The following DMD variants were observed in gnomAD, a reference collection of about 807,000 sequenced individuals.
DMD encodes mutant dystrophin.
DMD carries 63 observed loss-of-function variants against 330.1 expected under a neutral mutation model. That is an observed-to-expected ratio of 0.19 (90% CI 0.16 to 0.24). The LOEUF (loss-of-function observed/expected upper bound fraction) is 0.24, where lower values mean the gene tolerates loss of function less well. Among genes scored for constraint, DMD ranks in the 10% least tolerant of loss-of-function variants. DMD has a pLI of 1.00. For synonymous variants in DMD, 1,223 were observed against 959.8 expected (o/e 1.27, Z -5.07); for missense variants, 3,344 against 2,684.1 (o/e 1.25, Z -5.43).
intron 44 of DMD, among the ~76,000 whole-genome samples, chrX:31,973,050 C>A (rs1381974031): frequency 9.0e-6 from 1 of 111,471 alleles, no homozygotes; most frequent in Non-Finnish European, 1.9e-5. Flanking sequence ...AAGTTTCTTT[C>A]AACTTCTATC....
intron 44 of DMD, among the ~76,000 whole-genome samples, chrX:32,137,360 G>A (rs2096731713): frequency 9.0e-6 from 1 of 111,628 alleles, no homozygotes; most frequent in Admixed American, 9.5e-5. Flanking sequence ...GAAACCTAGG[G>A]ATGGAAAAAA....
At chrX:33,064,013 G>A (rs1169097027) in intron 1 of DMD, among the ~76,000 whole-genome samples, 1 of 111,276 alleles carries the variant, frequency 9.0e-6, no homozygotes, top group African/African-American at 3.3e-5. Context: ...TGTGACAGTA[G>A]GCAACCAATT....
At chrX:31,743,645 T>C (rs750099037) in intron 51 of DMD, among the ~76,000 whole-genome samples, 89 of 111,476 alleles carry the variant, frequency 8.0e-4, no homozygotes, top group African/African-American at 2.8e-3. Context: ...CAGTGCGTTG[T>C]CATGGACATA....
At chrX:33,016,008 T>A (rs894299872) in intron 2 of DMD, among the ~76,000 whole-genome samples, 11 of 110,838 alleles carry the variant, frequency 9.9e-5, no homozygotes, top group Non-Finnish European at 2.1e-4. Context: ...GGCTGGACGG[T>A]AACAAAAGCC....
At chrX:32,596,026 G>T in intron 12 of DMD, 150 bp from the exon 13 acceptor site, 1 of 504,510 alleles carries the variant, frequency 2.0e-6, no homozygotes, top group Admixed American at 3.1e-5. Context: ...CCAATTTTCT[G>T]CTATGACGCT....
chrX:31,599,476 A>G (rs975732711), intron 55 of DMD, among the ~76,000 whole-genome samples: 5 of 112,346 alleles, frequency 4.5e-5, no homozygotes, highest in African/African-American at 1.3e-4. Flanking sequence ...CTTAAGAGGG[A>G]AATAAGAGGA....
chrX:33,160,440 G>C (rs2048715985), intron 1 of DMD, among the ~76,000 whole-genome samples: 1 of 111,666 alleles, frequency 9.0e-6, no homozygotes, highest in South Asian at 3.7e-4. Flanking sequence ...AGTGTGTCTT[G>C]GATGCCTTTA....
chrX:31,335,428 T>C (rs1242608071), intron 61 of DMD, among the ~76,000 whole-genome samples: 1 of 112,355 alleles, frequency 8.9e-6, no homozygotes, highest in Admixed American at 9.4e-5. Context: ...TTATTTTTAA[T>C]AAAAAAGTAA....
intron 47 of DMD, among the ~76,000 whole-genome samples, chrX:31,890,730 T>C (rs1417820956): frequency 4.5e-5 from 5 of 111,653 alleles, no homozygotes; most frequent in Non-Finnish European, 7.5e-5. Context: ...TTGCTGGTTT[T>C]AATTTCAATA....
intron 7 of DMD, among the ~76,000 whole-genome samples, chrX:32,731,609 C>A (rs939455986): frequency 8.9e-6 from 1 of 112,227 alleles, no homozygotes; most frequent in Admixed American, 9.4e-5. Context: ...TGACCCCTGA[C>A]CCCCGAGCAC....
intron 11 of DMD, among the ~76,000 whole-genome samples, chrX:32,630,621 G>T (rs925680630): frequency 1.8e-5 from 2 of 110,896 alleles, no homozygotes. Context: ...CGTCTCTGAC[G>T]CATTCTTCAG....
intron 7 of DMD, among the ~76,000 whole-genome samples, chrX:32,736,489 C>T (rs188161337): frequency 0.029 from 3,161 of 110,173 alleles, 43 homozygotes; most frequent in Non-Finnish European, 0.046. Context: ...CGGCATTATT[C>T]ACGATAGCAA....
At chrX:31,445,857 G>A (rs1377609503) in intron 59 of DMD, among the ~76,000 whole-genome samples, 2 of 112,049 alleles carry the variant, frequency 1.8e-5, no homozygotes, top group African/African-American at 6.5e-5. Flanking sequence ...TTAACATGAT[G>A]CATGATGTCC....
intron 1 of DMD, among the ~76,000 whole-genome samples, chrX:33,026,390 C>G (rs1432001531): frequency 1.0e-5 from 1 of 96,847 alleles, no homozygotes; most frequent in Admixed American, 1.1e-4. Flanking sequence ...TATGGGAGAG[C>G]AATTAAGTTC....
chrX:31,971,940 T>G (rs1769380208), intron 44 of DMD, among the ~76,000 whole-genome samples: 1 of 111,779 alleles, frequency 8.9e-6, no homozygotes, highest in Admixed American at 9.5e-5. Flanking sequence ...GTTGGATTAT[T>G]CATCATAGTT....
At chrX:31,656,062 G>C (rs2080767458) in intron 54 of DMD, among the ~76,000 whole-genome samples, 1 of 111,808 alleles carries the variant, frequency 8.9e-6, no homozygotes, top group African/African-American at 3.2e-5. Flanking sequence ...ATTATAGATG[G>C]GTAGTCATCA....
At chrX:31,377,522 A>C (rs945719113) in intron 60 of DMD, among the ~76,000 whole-genome samples, 6 of 112,337 alleles carry the variant, frequency 5.3e-5, no homozygotes, top group African/African-American at 1.9e-4. Flanking sequence ...TGTGATTAAC[A>C]CTAGCTTAAA....
At chrX:33,234,419 T>C (rs1444734858) in intron 1 of DMD, among the ~76,000 whole-genome samples, 1 of 110,405 alleles carries the variant, frequency 9.1e-6, no homozygotes, top group Non-Finnish European at 1.9e-5. Flanking sequence ...GTGTGACACC[T>C]TGGAGAAGAA....
At chrX:33,117,808 C>A (rs2095396286) in intron 1 of DMD, among the ~76,000 whole-genome samples, 1 of 111,323 alleles carries the variant, frequency 9.0e-6, no homozygotes, top group Non-Finnish European at 1.9e-5. Context: ...TGGTACCATA[C>A]GCTAATCAAC....
Sources: gnomAD v4.1 joint callset for allele counts (sites outside exome capture counted in the v4.1 genomes callset) on GRCh38, gnomAD v4.1.1 for gene constraint, MANE v1.5 for transcripts, NCBI Gene and HGNC (gene_info 2026-07-23, HGNC 2026-07-21) for gene names.